Variants in TONSL observed in about 807,000 individuals in gnomAD.
TONSL encodes tonsoku-like protein.
TONSL carries 112 observed loss-of-function variants against 147.1 expected under a neutral mutation model. The observed-to-expected ratio is 0.76, with a 90% confidence interval of 0.65 to 0.89. TONSL has a LOEUF of 0.89. Ranked by LOEUF, TONSL falls within the 40% of genes least tolerant of loss-of-function variation. The pLI, the probability that TONSL is intolerant of heterozygous loss-of-function variation, is 0.00. For synonymous variants in TONSL, 868 were observed against 801.5 expected, an observed-to-expected ratio of 1.08 and a Z score of -1.40; for missense variants, 1,883 against 1,864.6, an observed-to-expected ratio of 1.01 and a Z score of -0.18.
intron 2 of TONSL, 43 bp downstream of exon 2, chr8:144,444,137 C>T (rs1359925718): frequency 3.8e-6 from 5 of 1,323,420 alleles, no homozygotes; most frequent in Non-Finnish European, 4.8e-6. Flanking sequence ...GGCCCGGGCC[C>T]GGGCCCCGGC....
In TONSL at chr8:144,435,454, T is replaced by C. The variant is rs922655709; in HGVS notation, c.2852+20A>G. 6 of 1,527,594 alleles carry C rather than the reference T, an allele frequency of 3.9e-6. No individual in the cohort carries two copies. The African/African-American group carries it at 8.3e-5, about 21-fold the overall frequency. The allele number at this position is 1,527,594 out of a possible 1,614,324, so 94.6% of individuals were successfully genotyped here. A position where few individuals can be genotyped will look rare whatever the true frequency, so the allele number is the denominator to read the frequency against. On this transcript the variant is annotated intron_variant, in intron 18 of 25. Transcript: ENST00000409379. Reference sequence around the variant, plus strand: ...GGAGCTGCACAGGTGGGCTGCGGGGTAGGGCAGGCGATGCCTCACCTGTGT... The same window carrying C: ...GGAGCTGCACAGGTGGGCTGCGGGGCAGGGCAGGCGATGCCTCACCTGTGT...
At chr8:144,432,543 C>A in intron 22 of TONSL, 83 bp from the exon 23 acceptor site, 1 of 1,386,980 alleles carries the variant, frequency 7.2e-7, no homozygotes, top group Non-Finnish European at 9.5e-7. Flanking sequence ...ACCCTCAGGA[C>A]CCCTTTGGGG....
chr8:144,431,318 GAT>G (rs1823179482), intron 23 of TONSL, among the ~76,000 whole-genome samples, 167 bp from the exon 24 acceptor site: 1 of 152,160 alleles, frequency 6.6e-6, no homozygotes, highest in Admixed American at 6.5e-5. Context: ...CTCTGCACGT[GAT>G]AGTGTGAAAA....
intron 11 of TONSL, among the ~76,000 whole-genome samples, chr8:144,439,233 G>A (rs114061802): frequency 2.8e-4 from 43 of 152,164 alleles, no homozygotes; most frequent in African/African-American, 9.6e-4. Flanking sequence ...TCCCTGCTTC[G>A]GGTGACCCCT....
At chr8:144,430,367 C>G in intron 25 of TONSL, 37 bp downstream of exon 25, 1 of 1,532,746 alleles carries the variant, frequency 6.5e-7, no homozygotes, top group Non-Finnish European at 8.8e-7. Flanking sequence ...CTGAAAAGGC[C>G]GAACATGGCA....
chr8:144,432,010 T>A (rs563884464), intron 23 of TONSL, among the ~76,000 whole-genome samples: 119 of 152,056 alleles, frequency 7.8e-4, no homozygotes, highest in Non-Finnish European at 1.4e-3. Context: ...GTATTTTTAC[T>A]AGAGACAAGG....
chr8:144,432,401 C>T lies in TONSL; in HGVS notation c.3619G>A (p.Ala1207Thr). The part of the protein sequence containing the change: ...SYNALGAPAL[A>T]RTLQSLPAGT... Reference sequence around the variant, plus strand: ...GCGGGCAGGCTCTGCAGGGTCCTGGCCAGGGCAGGGGCTCCCAGGGCGTTG... The same window carrying T: ...GCGGGCAGGCTCTGCAGGGTCCTGGTCAGGGCAGGGGCTCCCAGGGCGTTG... The change falls in exon 23 of 26, where the codon GCC becomes ACC. Residue 1207 changes from alanine to threonine, a missense_variant. Coordinates refer to ENST00000409379, the MANE Select transcript of TONSL (RefSeq NM_013432.5). 1 of 1,599,436 alleles carries T rather than the reference C, an allele frequency of 6.3e-7. No individual in the cohort carries two copies. Among genetic ancestry groups the T allele is most frequent in the Non-Finnish European group, 8.5e-7 (1 of 1,174,134 alleles).
intron 13 of TONSL, among the ~76,000 whole-genome samples, chr8:144,437,465 C>A (rs920087946): frequency 5.3e-5 from 8 of 152,150 alleles, no homozygotes; most frequent in Non-Finnish European, 7.4e-5. Context: ...AGATGCATAC[C>A]ACACAGCAGG....
Position 144,440,159 on chromosome 8 carries a change from C to T in TONSL, c.1342G>A (p.Glu448Lys), listed in dbSNP as rs1823654107. ...AGTCTGGTTTCGGTCTCAGGGGCCT[C>T]CTGGGGCTGCAGCCTCAGCTGCACG... ...HTVQLRLQPQ[E>K]APETETRLRE... Residue 448 changes from glutamate (E) to lysine (K), a missense_variant, in exon 11 of 26, where the codon GAG becomes AAG. Transcript: ENST00000409379. 6.2e-7 allele frequency: 1 copy of T among 1,611,090 alleles called. No homozygotes were observed. The highest frequency in any genetic ancestry group is 1.3e-5 in the African/African-American group (1 of 74,812).
intron 7 of TONSL, 135 bp downstream of exon 7, chr8:144,441,902 C>T: frequency 4.4e-6 from 3 of 679,828 alleles, no homozygotes; most frequent in Non-Finnish European, 7.4e-6. Context: ...GCTGAAGCTG[C>T]TGCCTCCAAG....
chr8:144,444,217 C>T lies in TONSL; in HGVS notation c.84G>A (p.Ala28=). ...GGAGCTCCCCCAGCTGGTGGCACAG[C>T]GCGGCCTCTTCGCGCCGCTGCCCGG... ...QRAGQRREEA[A]LCHQLGELLA... The change falls in exon 2 of 26, where the codon GCG becomes GCA. Residue 28 remains alanine, a synonymous_variant. Transcript: ENST00000409379. 1 of 1,458,580 alleles carries T rather than the reference C, an allele frequency of 6.9e-7. No individual in the cohort carries two copies. The highest frequency in any genetic ancestry group is 1.3e-5 in the South Asian group (1 of 76,014). The allele number at this position is 1,458,580 out of a possible 1,614,324, so 90.4% of individuals were successfully genotyped here.
intron 16 of TONSL, 32 bp from the exon 17 acceptor site, chr8:144,436,450 G>A (rs369810992): frequency 1.3e-6 from 2 of 1,531,904 alleles, no homozygotes; most frequent in Admixed American, 3.8e-5. Context: ...TTGAGGCAGG[G>A]GCCCGGCACC....
chr8:144,438,793 C>T (rs1056149664), intron 11 of TONSL, 58 bp from the exon 12 acceptor site: 1 of 1,554,810 alleles, frequency 6.4e-7, no homozygotes, highest in African/African-American at 1.4e-5. Context: ...GTTAGCAGCC[C>T]CCACCCTGCT....
rs147487703 is a variant in TONSL, at chr8:144,436,880, G to A, written c.1767C>T (p.Asp589=). The change falls in exon 15 of 26, where the codon GAC becomes GAT. Residue 589 remains aspartate (D), a synonymous_variant. Transcript: ENST00000409379. ...RFLLDHGAAV[D]DPGGQGCEGI... Reference sequence around the variant, plus strand: ...CTTCGCAGCCCTGGCCACCTGGGTCGTCCACTGCGGCCCCGTGGTCCAGCA... The same window carrying A: ...CTTCGCAGCCCTGGCCACCTGGGTCATCCACTGCGGCCCCGTGGTCCAGCA... The A allele has an allele frequency of 3.6e-3, 5,729 of 1,609,176 alleles. 30 individuals are homozygous for A. The highest frequency in any genetic ancestry group is 0.013 in the East Asian group (593 of 44,872).
At position 144,442,787 on chromosome 8, in the gene TONSL, C is replaced by T; in HGVS notation, c.468G>A (p.Glu156=). The change falls in exon 5 of 26, where the codon GAG becomes GAA. Residue 156 remains glutamate, a synonymous_variant. Transcript: ENST00000409379. The part of the protein sequence containing the change: ...EELEGTLAQG[E]LNEMRTRLYL... ...AGAGGCGGGTCCTCATCTCATTCAG[C>T]TCTCCCTGGGCCAGTGTCCCTGGAA... 3 of 1,612,372 alleles carry T rather than the reference C, an allele frequency of 1.9e-6. No individual in the cohort carries two copies. The highest frequency in any genetic ancestry group is 2.5e-6 in the Non-Finnish European group (3 of 1,179,684).
intron 23 of TONSL, among the ~76,000 whole-genome samples, chr8:144,431,828 CTTTCTTTTTTT>C (rs1341711452): frequency 8.0e-6 from 1 of 124,656 alleles, no homozygotes; most frequent in African/African-American, 3.0e-5. Flanking sequence ...TTTTCTTTTT[CTTTCTTTTTTT>C]TTTTTTTTGA....
intron 17 of TONSL, 40 bp downstream of exon 17, chr8:144,435,618 G>T: frequency 6.3e-7 from 1 of 1,579,254 alleles, no homozygotes; most frequent in Non-Finnish European, 8.6e-7. Flanking sequence ...CTGCCTGCCC[G>T]GAGTGGGGAG....
chr8:144,443,188 G>A lies in TONSL; in HGVS notation c.398C>T (p.Ala133Val). ...HCQSRDALLQ[A>V]QAAFEKSLAI... ...CAAGCTCTTCTCAAAGGCAGCCTGT[G>A]CCTGCAGCAAAGCATCCCTCGACTG... The change falls in exon 4 of 26, where the codon GCA (alanine) becomes GTA (valine). Residue 133 changes from alanine (A) to valine (V), a missense_variant. Coordinates refer to ENST00000409379, the MANE Select transcript of TONSL (RefSeq NM_013432.5). 6.4e-7 allele frequency: 1 copy of A among 1,550,826 alleles called. No individual in the cohort carries two copies. The highest frequency in any genetic ancestry group is 8.7e-7 in the Non-Finnish European group (1 of 1,146,986).
intron 7 of TONSL, 47 bp from the exon 8 acceptor site, chr8:144,441,158 C>T: frequency 1.3e-6 from 2 of 1,599,808 alleles, no homozygotes; most frequent in South Asian, 2.2e-5. Context: ...GGGGCCCTGA[C>T]CCCAGCTCTA....
Sources: gnomAD v4.1 joint callset for allele counts (sites outside exome capture counted in the v4.1 genomes callset) on GRCh38, gnomAD v4.1.1 for gene constraint, MANE v1.5 for transcripts, NCBI Gene and HGNC (gene_info 2026-07-23, HGNC 2026-07-21) for gene names.